The following ZCCHC7 variants were observed in gnomAD, a reference collection of about 807,000 sequenced individuals.
ZCCHC7 encodes the protein zinc finger CCHC-type containing 7.
In ZCCHC7, 35 loss-of-function variants were observed where a neutral mutation model predicts 52.0. That is an observed-to-expected ratio of 0.67 (90% CI 0.51 to 0.89). The LOEUF is 0.89. ZCCHC7 is among the 40% of genes least tolerant of loss of function. The pLI, the probability that ZCCHC7 is intolerant of heterozygous loss-of-function variation, is 0.00. For synonymous variants in ZCCHC7, 217 were observed against 221.5 expected (o/e 0.98, Z 0.18); for missense variants, 574 against 649.1 (o/e 0.88, Z 1.26).
At chr9:37,127,059 T>C (rs1842571904) in intron 2 of ZCCHC7, 117 bp downstream of exon 2, 1 of 1,325,068 alleles carries the variant, frequency 7.5e-7, no homozygotes, top group Admixed American at 2.3e-5. Flanking sequence ...TTTGGTCTTG[T>C]TTTTTGGTTT....
chr9:37,317,498 G>T (rs1197972165), intron 5 of ZCCHC7, among the ~76,000 whole-genome samples: 1 of 152,118 alleles, frequency 6.6e-6, no homozygotes, highest in Non-Finnish European at 1.5e-5. Flanking sequence ...AATTGCTTGA[G>T]GTCAGGAGTT....
At position 37,126,762 on chromosome 9, in the gene ZCCHC7, G is replaced by C. The variant is rs745960560; in HGVS notation, c.430G>C (p.Glu144Gln). Residue 144 changes from glutamate to glutamine, a missense_variant, in exon 2 of 9, where the codon GAG becomes CAG. Glu to Gln is a conservative substitution (Grantham distance 29). Around this residue, in one of 3 missense-constraint regions of ZCCHC7, gnomAD observed 403 missense variants for 461.2 expected, o/e 0.87. Coordinates refer to ENST00000336755, the MANE Select transcript of ZCCHC7 (RefSeq NM_032226.3). ...TGATATTGAGAAGCCTAAATCTGAA[G>C]AGAGATCAGGTGTAATCCGAGAGGT... is the stretch of plus-strand genomic sequence containing the variant. ...KSDIEKPKSE[E>Q]RSGVIREVMI... 17 of 1,614,084 alleles carry C rather than the reference G, an allele frequency of 1.1e-5. No homozygotes were observed. The South Asian group carries it at 1.9e-4, about 18-fold the overall frequency.
At chr9:37,304,657 GAA>G (rs200820613) in intron 4 of ZCCHC7, among the ~76,000 whole-genome samples, 1 of 140,010 alleles carries the variant, frequency 7.1e-6, no homozygotes, top group African/African-American at 2.6e-5. Flanking sequence ...CTCTGTCTCA[GAA>G]AAAAAAAAAA....
At chr9:37,321,085 T>G (rs1220414741) in intron 5 of ZCCHC7, among the ~76,000 whole-genome samples, 1 of 148,446 alleles carries the variant, frequency 6.7e-6, no homozygotes, top group Non-Finnish European at 1.5e-5. Flanking sequence ...GCCTCCTGGG[T>G]TCAAGCGATT....
rs528818458 is a variant in ZCCHC7 at position 37,132,206 on chromosome 9, G to A, written c.610+5264G>A. 1.6e-4 allele frequency among the ~76,000 whole-genome samples: 24 copies of A among 152,248 alleles called. No individual in the cohort carries two copies. The East Asian group carries it at 2.3e-3, about 15-fold the overall frequency. ...AGTCAGCATATTTAGTAATTTGTGA[G>A]GGGGATCTCAAGTTTGGAAAGGATT... On this transcript the variant is annotated intron_variant, in intron 2 of 8. Coordinates refer to ENST00000336755, the MANE Select transcript of ZCCHC7 (RefSeq NM_032226.3).
chr9:37,123,840 G>C (rs1489471456), intron 1 of ZCCHC7, among the ~76,000 whole-genome samples: 1 of 152,314 alleles, frequency 6.6e-6, no homozygotes, highest in Non-Finnish European at 1.5e-5. Flanking sequence ...AATATAAACT[G>C]ATGAATGCTG....
At chr9:37,194,182 T>A (rs1823165922) in intron 2 of ZCCHC7, among the ~76,000 whole-genome samples, 1 of 152,206 alleles carries the variant, frequency 6.6e-6, no homozygotes, top group Non-Finnish European at 1.5e-5. Context: ...ATAGTGGCCT[T>A]TAATATATTA....
intron 6 of ZCCHC7, among the ~76,000 whole-genome samples, chr9:37,347,549 C>T (rs959435536): frequency 1.3e-5 from 2 of 152,130 alleles, no homozygotes; most frequent in African/African-American, 4.8e-5. Context: ...CACAAGTTAA[C>T]TATCGCCATG....
At chr9:37,129,262 G>T (rs1263452440) in intron 2 of ZCCHC7, among the ~76,000 whole-genome samples, 1 of 152,222 alleles carries the variant, frequency 6.6e-6, no homozygotes, top group Admixed American at 6.5e-5. Flanking sequence ...AAATCGAACT[G>T]TGCCATATTT....
rs1489564346 is a variant in ZCCHC7 at position 37,293,904 on chromosome 9, C to T, written c.611-8284C>T. Among the ~76,000 whole-genome samples, 3 of 152,162 alleles carry T rather than the reference C, an allele frequency of 2.0e-5. No homozygotes were observed. In the East Asian group the frequency reaches 5.8e-4, roughly 29 times the overall value. ...ATTTATTTCCTCTTTCTTCTTCCTC[C>T]TCTACCTCTAAAAAAAGAAATCCCC... On this transcript the variant is annotated intron_variant, in intron 2 of 8. Coordinates refer to ENST00000336755, the MANE Select transcript of ZCCHC7 (RefSeq NM_032226.3).
chr9:37,139,088 T>G (rs185054947), intron 2 of ZCCHC7, among the ~76,000 whole-genome samples: 7 of 152,116 alleles, frequency 4.6e-5, no homozygotes, highest in Admixed American at 4.6e-4. Context: ...TTACTAAATT[T>G]AATTTCAAAG....
intron 2 of ZCCHC7, among the ~76,000 whole-genome samples, chr9:37,129,977 G>A (rs961074573): frequency 1.3e-5 from 2 of 152,108 alleles, no homozygotes; most frequent in Admixed American, 6.5e-5. Flanking sequence ...AGTGGCTCAC[G>A]CCTGTAATCC....
At chr9:37,226,182 A>G (rs1346106398) in intron 2 of ZCCHC7, among the ~76,000 whole-genome samples, 2 of 152,250 alleles carry the variant, frequency 1.3e-5, no homozygotes, top group Non-Finnish European at 1.5e-5. Flanking sequence ...ATTTTTAAAT[A>G]TGCCATTTTC....
intron 2 of ZCCHC7, among the ~76,000 whole-genome samples, chr9:37,278,228 A>G (rs1256157514): frequency 6.6e-6 from 1 of 152,126 alleles, no homozygotes; most frequent in East Asian, 1.9e-4. Context: ...ACTGACTGAC[A>G]AGGATTTTAA....
chr9:37,341,877 A>C (rs893783262), intron 6 of ZCCHC7, among the ~76,000 whole-genome samples: 2 of 152,184 alleles, frequency 1.3e-5, no homozygotes, highest in Non-Finnish European at 2.9e-5. Context: ...AAAGGCCAGC[A>C]TGACAGGCTT....
At chr9:37,276,232 C>T (rs1449140932) in intron 2 of ZCCHC7, among the ~76,000 whole-genome samples, 1 of 152,142 alleles carries the variant, frequency 6.6e-6, no homozygotes, top group Non-Finnish European at 1.5e-5. Context: ...GGCTTAATAA[C>T]TTGAAGGGGT....
At chr9:37,150,704 CTTAAG>C in intron 2 of ZCCHC7, among the ~76,000 whole-genome samples, 1 of 152,278 alleles carries the variant, frequency 6.6e-6, no homozygotes, top group Non-Finnish European at 1.5e-5. Context: ...AAAATGTCCT[CTTAAG>C]TTTTTTAACA....
chr9:37,188,391 G>A (rs1822780864), intron 2 of ZCCHC7, among the ~76,000 whole-genome samples: 1 of 151,690 alleles, frequency 6.6e-6, no homozygotes, highest in Admixed American at 6.6e-5. Context: ...CTGGGCTCAA[G>A]TGATCCTCCC....
intron 5 of ZCCHC7, among the ~76,000 whole-genome samples, chr9:37,311,817 A>T (rs867654538): frequency 6.6e-6 from 1 of 152,252 alleles, no homozygotes; most frequent in African/African-American, 2.4e-5. Flanking sequence ...TAAACTGTGT[A>T]GTATTTAACA....
Sources: gnomAD v4.1 joint callset for allele counts (sites outside exome capture counted in the v4.1 genomes callset) on GRCh38, gnomAD v4.1.1 for gene constraint, gnomAD v4.1.1 regional missense constraint, MANE v1.5 for transcripts, NCBI Gene and HGNC (gene_info 2026-07-23, HGNC 2026-07-21) for gene names.